Variants in TMTC2 observed in about 807,000 individuals in gnomAD.
TMTC2 encodes transmembrane O-mannosyltransferase targeting cadherins 2.
A neutral mutation model predicts 82.4 loss-of-function variants in TMTC2; 43 were observed. The ratio of observed to expected loss-of-function variants is 0.52; its 90% CI spans 0.41 to 0.67. The LOEUF is 0.67. Ranked by LOEUF, TMTC2 falls within the 30% of genes least tolerant of loss-of-function variation. The pLI is 0.00. For synonymous variants in TMTC2, 408 were observed against 381.9 expected (o/e 1.07, Z -0.80); for missense variants, 919 against 1,012.4 (o/e 0.91, Z 1.25).
chr12:82,834,487 T>C (rs556395730), intron 1 of TMTC2, among the ~76,000 whole-genome samples: 1 of 152,360 alleles, frequency 6.6e-6, no homozygotes, highest in African/African-American at 2.4e-5. Context: ...ATCTAGCTTT[T>C]AGTAATTCCC....
chr12:83,065,715 C>G (rs905193102), intron 11 of TMTC2, among the ~76,000 whole-genome samples: 4 of 151,812 alleles, frequency 2.6e-5, no homozygotes, highest in Non-Finnish European at 5.9e-5. Context: ...TCTTCTCTCT[C>G]ACTAATGGGC....
At chr12:83,097,323 C>T (rs1884063042) in intron 11 of TMTC2, among the ~76,000 whole-genome samples, 1 of 152,188 alleles carries the variant, frequency 6.6e-6, no homozygotes, top group Non-Finnish European at 1.5e-5. Flanking sequence ...AGCACACACT[C>T]ACACATGCAA....
intron 2 of TMTC2, among the ~76,000 whole-genome samples, chr12:82,887,877 C>T (rs936459126): frequency 5.3e-5 from 8 of 151,942 alleles, no homozygotes; most frequent in East Asian, 3.9e-4. Flanking sequence ...GTTGGGAGTT[C>T]GAGACCAGCC....
At chr12:83,130,569 C>T (rs1381475779) in intron 11 of TMTC2, among the ~76,000 whole-genome samples, 1 of 152,026 alleles carries the variant, frequency 6.6e-6, no homozygotes, top group East Asian at 1.9e-4. Context: ...AAAAATAATG[C>T]CCAGTAGTTG....
In TMTC2 at chr12:83,089,847, C is replaced by CA. The variant is rs200273951; in HGVS notation, c.2331+28029dup. ...AGCAAAAAAAACAAAAAACAAAAAA[C>CA]AAAAAAAAAAAAACTATTTTAATCT... On this transcript the variant is annotated intron_variant, in intron 11 of 11. Coordinates refer to ENST00000321196, the MANE Select transcript of TMTC2 (RefSeq NM_152588.3). Among the ~76,000 whole-genome samples the CA allele has an allele frequency of 8.1e-3, 1,100 of 135,366 alleles. 5 individuals are homozygous for CA. Among genetic ancestry groups the CA allele is most frequent in the South Asian group, 0.025 (110 of 4,392 alleles). The allele number at this position is 135,366 out of a possible 152,430, so 88.8% of individuals were successfully genotyped here.
intron 4 of TMTC2, among the ~76,000 whole-genome samples, chr12:82,961,413 T>C (rs1877925896): frequency 6.6e-6 from 1 of 151,904 alleles, no homozygotes; most frequent in Admixed American, 6.6e-5. Context: ...CAACACAAAT[T>C]AACATTATAT....
intron 3 of TMTC2, among the ~76,000 whole-genome samples, chr12:82,905,081 T>C (rs1874223049): frequency 6.6e-6 from 1 of 152,030 alleles, no homozygotes; most frequent in Non-Finnish European, 1.5e-5. Flanking sequence ...AATATACAAT[T>C]GAATTTCTAA....
intron 2 of TMTC2, among the ~76,000 whole-genome samples, chr12:82,872,182 T>C (rs1166351682): frequency 6.6e-6 from 1 of 152,162 alleles, no homozygotes; most frequent in Non-Finnish European, 1.5e-5. Flanking sequence ...ATAGTCTTTT[T>C]CTTTGGCATG....
intron 1 of TMTC2, among the ~76,000 whole-genome samples, chr12:82,722,440 G>T (rs377579205): frequency 6.7e-6 from 1 of 149,416 alleles, no homozygotes; most frequent in African/African-American, 2.5e-5. Flanking sequence ...GGTGGTGGGC[G>T]CCTGTAGTCC....
chr12:82,787,811 T>G (rs976074961), intron 1 of TMTC2, among the ~76,000 whole-genome samples: 5 of 152,062 alleles, frequency 3.3e-5, no homozygotes, highest in African/African-American at 1.2e-4. Flanking sequence ...CTTGGGAGGC[T>G]GAGGCAGGAG....
At chr12:82,901,245 G>T (rs113475809) in intron 3 of TMTC2, among the ~76,000 whole-genome samples, 1 of 130,468 alleles carries the variant, frequency 7.7e-6, no homozygotes, top group Non-Finnish European at 1.6e-5. Context: ...ATATATATAG[G>T]AATATATATA....
At chr12:82,773,438 A>G (rs544157357) in intron 1 of TMTC2, among the ~76,000 whole-genome samples, 1 of 151,650 alleles carries the variant, frequency 6.6e-6, no homozygotes, top group South Asian at 2.1e-4. Context: ...TAATTCATCC[A>G]CAGCAAAATG....
chr12:82,718,546 G>A (rs1040245564), intron 1 of TMTC2, among the ~76,000 whole-genome samples: 2 of 152,182 alleles, frequency 1.3e-5, no homozygotes, highest in Non-Finnish European at 2.9e-5. Flanking sequence ...GTGCCCTGGT[G>A]TTGGAGCTTT....
At chr12:82,787,305 A>C (rs920684382) in intron 1 of TMTC2, among the ~76,000 whole-genome samples, 9 of 152,016 alleles carry the variant, frequency 5.9e-5, no homozygotes, top group Non-Finnish European at 1.5e-5. Context: ...TCCATTTTAC[A>C]TGTGGGATAG....
At chr12:82,941,419 T>A (rs1350714452) in intron 4 of TMTC2, among the ~76,000 whole-genome samples, 2 of 152,196 alleles carry the variant, frequency 1.3e-5, no homozygotes, top group Non-Finnish European at 1.5e-5. Flanking sequence ...AGCTAATGAG[T>A]TAAATCATGC....
intron 2 of TMTC2, among the ~76,000 whole-genome samples, chr12:82,881,445 G>T (rs1026248326): frequency 1.3e-5 from 2 of 152,122 alleles, no homozygotes; most frequent in Non-Finnish European, 2.9e-5. Flanking sequence ...AAATAAATTA[G>T]AGCGATTACA....
At chr12:82,865,720 A>G (rs1871811138) in intron 2 of TMTC2, among the ~76,000 whole-genome samples, 1 of 152,158 alleles carries the variant, frequency 6.6e-6, no homozygotes, top group Non-Finnish European at 1.5e-5. Flanking sequence ...TCTTCCCAGC[A>G]CCACACCGCA....
intron 2 of TMTC2, among the ~76,000 whole-genome samples, chr12:82,886,146 G>A (rs1014416192): frequency 6.6e-6 from 1 of 152,060 alleles, no homozygotes; most frequent in African/African-American, 2.4e-5. Flanking sequence ...GGGTTCCTGT[G>A]TCTCTTTCAC....
intron 1 of TMTC2, among the ~76,000 whole-genome samples, chr12:82,694,507 C>A (rs1368619785): frequency 6.6e-6 from 1 of 152,064 alleles, no homozygotes; most frequent in Non-Finnish European, 1.5e-5. Context: ...TATGATGATT[C>A]GATAAAGCTT....
Sources: allele counts gnomAD v4.1 joint callset (sites outside exome capture counted in the v4.1 genomes callset), GRCh38; gene constraint gnomAD v4.1.1; transcripts MANE v1.5; gene names NCBI Gene and HGNC (gene_info 2026-07-23, HGNC 2026-07-21).